Variants in RBPMS observed in about 807,000 individuals in gnomAD.
RBPMS encodes RNA binding protein, mRNA processing factor.
Under a neutral mutation model 26.8 loss-of-function variants are expected in RBPMS, and 7 were observed. That is an observed-to-expected ratio of 0.26 (90% CI 0.15 to 0.49). The LOEUF (loss-of-function observed/expected upper bound fraction) is 0.49, where lower values mean the gene tolerates loss of function less well. Among genes scored for constraint, RBPMS ranks in the 20% least tolerant of loss-of-function variants. RBPMS has a pLI of 0.98. For synonymous variants in RBPMS, 96 were observed against 93.3 expected (o/e 1.03, Z -0.17); for missense variants, 186 against 250.0 (o/e 0.74, Z 1.73).
chr8:30,469,708 C>T (rs530497350), intron 1 of RBPMS, among the ~76,000 whole-genome samples: 2 of 152,354 alleles, frequency 1.3e-5, no homozygotes, highest in Non-Finnish European at 2.9e-5. Context: ...TGTCCATAGA[C>T]ATTGCTGGTA....
chr8:30,473,624 G>A (rs1004201717), intron 1 of RBPMS, among the ~76,000 whole-genome samples: 1 of 152,062 alleles, frequency 6.6e-6, no homozygotes, highest in Admixed American at 6.6e-5. Context: ...ACGTCATTCT[G>A]TTAGGAAGAT....
At chr8:30,464,339 G>A (rs895903732) in intron 1 of RBPMS, among the ~76,000 whole-genome samples, 2 of 152,136 alleles carry the variant, frequency 1.3e-5, no homozygotes, top group African/African-American at 4.8e-5. Context: ...ATTTAAAGGT[G>A]AACTAACTGA....
intron 1 of RBPMS, among the ~76,000 whole-genome samples, chr8:30,446,121 T>A (rs73583212): frequency 6.6e-6 from 1 of 152,234 alleles, no homozygotes; most frequent in Non-Finnish European, 1.5e-5. Flanking sequence ...TATACACTTA[T>A]CTCTTTTGCA....
rs753071114 is a variant in RBPMS at position 30,571,659 on chromosome 8, G to A, written c.*1134G>A. The A allele has an allele frequency of 1.3e-5, 2 of 152,278 alleles. No individual in the cohort carries two copies. The highest frequency in any genetic ancestry group is 1.5e-5 in the Non-Finnish European group (1 of 68,062). 9.4% of individuals were successfully genotyped at this position (152,278 alleles called of 1,614,324 possible). The stretch of plus-strand genomic sequence containing the variant: ...CACATACCATGAGCTCCCAAATGGC[G>A]TGTGCTCACTGTGAGACGTCCTGCC... On this transcript the variant is annotated 3_prime_UTR_variant, in exon 9 of 9. Transcript: ENST00000397323.
intron 5 of RBPMS, among the ~76,000 whole-genome samples, chr8:30,518,342 T>C (rs1473056360): frequency 6.6e-6 from 1 of 152,130 alleles, no homozygotes; most frequent in Non-Finnish European, 1.5e-5. Context: ...CATTCCCCCG[T>C]GGTTGTGGTA....
intron 1 of RBPMS, among the ~76,000 whole-genome samples, chr8:30,428,263 C>T (rs983941223): frequency 2.6e-5 from 4 of 151,758 alleles, no homozygotes; most frequent in East Asian, 3.9e-4. Context: ...CCTCGTAATC[C>T]GCCTGCCTCG....
intron 5 of RBPMS, among the ~76,000 whole-genome samples, chr8:30,543,302 C>T (rs1022203404): frequency 6.6e-6 from 1 of 152,152 alleles, no homozygotes; most frequent in Admixed American, 6.5e-5. Flanking sequence ...CACATCACAC[C>T]GAGCAAAGCA....
intron 5 of RBPMS, among the ~76,000 whole-genome samples, chr8:30,537,020 C>T (rs1207868418): frequency 6.6e-6 from 1 of 152,164 alleles, no homozygotes. Flanking sequence ...AATAGACTTT[C>T]CTGGGGAAAC....
chr8:30,555,218 G>C (rs554857125), intron 6 of RBPMS, among the ~76,000 whole-genome samples: 4 of 152,142 alleles, frequency 2.6e-5, no homozygotes, highest in Non-Finnish European at 5.9e-5. Flanking sequence ...CATGCTGAGT[G>C]CTGGAGACTT....
At position 30,456,130 on chromosome 8, in the gene RBPMS, CTAGA is replaced by C. The variant is rs908224710; in HGVS notation, c.67-18647_67-18644del. ...TGTGTTTTTTAATGCATTTCAAAAA[CTAGA>C]TGTGTGTCTTTCTGTGTGTATGTTA... On this transcript the variant is annotated intron_variant, in intron 1 of 8. Transcript: ENST00000397323. Among the ~76,000 whole-genome samples, 19 of 152,218 alleles carry C rather than the reference CTAGA, an allele frequency of 1.2e-4. 2 individuals carry two copies. Among genetic ancestry groups the C allele is most frequent in the African/African-American group, 4.3e-4 (18 of 41,532 alleles).
chr8:30,481,598 A>G lies in RBPMS; in HGVS notation c.246+2221A>G, dbSNP rs577378260. 9.9e-5 allele frequency among the ~76,000 whole-genome samples: 15 copies of G among 151,544 alleles called. 1 individual carries two copies. The South Asian group carries it at 2.7e-3, about 27-fold the overall frequency. On this transcript the variant is annotated intron_variant, in intron 4 of 8. Transcript: ENST00000397323. ...TTTCTTTAGCACTGTCCTCTCCTTT[A>G]ATCATTAATAGTTTGCTACTTATGT...
intron 6 of RBPMS, chr8:30,549,592 C>A (rs1470375934): frequency 1.2e-6 from 2 of 1,610,518 alleles, no homozygotes; most frequent in African/African-American, 1.3e-5. Context: ...TTTGGTGAGG[C>A]TTTCTAGGAG....
intron 4 of RBPMS, among the ~76,000 whole-genome samples, chr8:30,481,998 T>C (rs932210884): frequency 4.6e-5 from 7 of 152,236 alleles, no homozygotes; most frequent in Admixed American, 1.3e-4. Context: ...GCTTGCTTTG[T>C]ACATGGGATG....
rs1810066704 is a variant in RBPMS, at chr8:30,416,356, G to C, written c.66+31198G>C. Among the ~76,000 whole-genome samples, 2 of 152,078 alleles carry C rather than the reference G, an allele frequency of 1.3e-5. 1 individual carries two copies. The highest frequency in any genetic ancestry group is 2.9e-5 in the Non-Finnish European group (2 of 68,026). ...GTTTTGTTTTGTTTTGCTTGAGACA[G>C]AGTCTCCCTCTGTCGCCCAGGCTGG... On this transcript the variant is annotated intron_variant, in intron 1 of 8. Coordinates refer to ENST00000397323, the MANE Select transcript of RBPMS (RefSeq NM_001008710.3).
At chr8:30,473,491 A>G (rs1246793315) in intron 1 of RBPMS, among the ~76,000 whole-genome samples, 1 of 152,164 alleles carries the variant, frequency 6.6e-6, no homozygotes, top group Non-Finnish European at 1.5e-5. Flanking sequence ...ATGGTGGCCT[A>G]TGTGTTGATT....
In RBPMS at chr8:30,544,437, T is replaced by A. The variant is rs1284477178; in HGVS notation, c.398-57T>A. On this transcript the variant is annotated intron_variant, in intron 5 of 8. Transcript: ENST00000397323. ...CGGGGTTGTTGGGTGTTTTGTTTTC[T>A]GATTTGAAACTAGCTGTATGGTAAC... 3.8e-6 allele frequency: 6 copies of A among 1,558,698 alleles called. No homozygotes were observed. In the Admixed American group the frequency reaches 8.5e-5, roughly 22 times the overall value.
intron 5 of RBPMS, among the ~76,000 whole-genome samples, chr8:30,517,358 C>G (rs551887054): frequency 6.6e-6 from 1 of 152,038 alleles, no homozygotes; most frequent in Non-Finnish European, 1.5e-5. Context: ...GGTCCCTTAT[C>G]CTTCTTTTCA....
chr8:30,469,773 A>G (rs1816886209), intron 1 of RBPMS, among the ~76,000 whole-genome samples: 1 of 152,234 alleles, frequency 6.6e-6, no homozygotes, highest in Admixed American at 6.5e-5. Context: ...CAGTTGGCGT[A>G]GTAATTCATT....
chr8:30,389,771 A>G (rs1807565941), intron 1 of RBPMS, among the ~76,000 whole-genome samples: 1 of 152,150 alleles, frequency 6.6e-6, no homozygotes, highest in Non-Finnish European at 1.5e-5. Context: ...GTTTTTAAAG[A>G]GAAAAATACA....
Sources: gnomAD v4.1 joint callset for allele counts (sites outside exome capture counted in the v4.1 genomes callset) on GRCh38, gnomAD v4.1.1 for gene constraint, MANE v1.5 for transcripts, NCBI Gene and HGNC (gene_info 2026-07-23, HGNC 2026-07-21) for gene names.